The following WSCD2 variants were observed in gnomAD, a reference collection of about 807,000 sequenced individuals.
The protein encoded by WSCD2 is sialate:O-sulfotransferase 2.
In WSCD2, 28 loss-of-function variants were observed where a neutral mutation model predicts 55.7. The observed-to-expected ratio is 0.50, with a 90% confidence interval of 0.37 to 0.69. The LOEUF is 0.69. Ranked by LOEUF, WSCD2 falls within the 30% of genes least tolerant of loss-of-function variation. The pLI, the probability that WSCD2 is intolerant of heterozygous loss-of-function variation, is 0.00. For missense variants in WSCD2, 616 were observed against 762.1 expected (o/e 0.81, Z 2.26); for synonymous variants, 301 against 301.9 (o/e 1.00, Z 0.03).
chr12:108,139,924 G>C (rs967445397), intron 1 of WSCD2, among the ~76,000 whole-genome samples: 1 of 152,144 alleles, frequency 6.6e-6, no homozygotes, highest in Non-Finnish European at 1.5e-5. Context: ...GGGTTAGAGA[G>C]ACCATCAGCT....
At chr12:108,138,468 C>T (rs554411554) in intron 1 of WSCD2, among the ~76,000 whole-genome samples, 1 of 152,314 alleles carries the variant, frequency 6.6e-6, no homozygotes, top group South Asian at 2.1e-4. Context: ...GTTGCATGAG[C>T]TTATGGTGCC....
chr12:108,230,480 A>C (rs541396272), intron 6 of WSCD2, among the ~76,000 whole-genome samples: 3 of 152,302 alleles, frequency 2.0e-5, no homozygotes, highest in Admixed American at 6.5e-5. Flanking sequence ...TCATTCTCCT[A>C]AACAACCTCA....
intron 5 of WSCD2, among the ~76,000 whole-genome samples, chr12:108,226,469 G>A (rs78041719): frequency 1.3e-5 from 2 of 151,958 alleles, no homozygotes; most frequent in Non-Finnish European, 2.9e-5. Context: ...GTGGTGTATT[G>A]CATGACCACG....
chr12:108,139,298 G>A (rs1876538222), intron 1 of WSCD2, among the ~76,000 whole-genome samples: 1 of 152,184 alleles, frequency 6.6e-6, no homozygotes, highest in Non-Finnish European at 1.5e-5. Context: ...AGAATTTATG[G>A]CTGAATGACT....
At chr12:108,216,899 T>G (rs4964661) in intron 4 of WSCD2, among the ~76,000 whole-genome samples, 1 of 152,100 alleles carries the variant, frequency 6.6e-6, no homozygotes, top group South Asian at 2.1e-4. Flanking sequence ...ATGGTCACTA[T>G]CAGCCAATAA....
chr12:108,146,624 G>A (rs998622854), intron 1 of WSCD2, among the ~76,000 whole-genome samples: 6 of 152,232 alleles, frequency 3.9e-5, no homozygotes, highest in African/African-American at 1.4e-4. Context: ...GCTGGGCAGG[G>A]ATTTGAATCA....
intron 1 of WSCD2, among the ~76,000 whole-genome samples, chr12:108,157,038 A>G (rs1487052279): frequency 6.6e-6 from 1 of 152,126 alleles, no homozygotes; most frequent in Non-Finnish European, 1.5e-5. Context: ...ACCCCACCCC[A>G]TAAGCTCACC....
At chr12:108,164,741 G>A (rs73199522) in intron 1 of WSCD2, among the ~76,000 whole-genome samples, 3,187 of 151,998 alleles carry the variant, frequency 0.021, 27 homozygotes, top group Non-Finnish European at 0.025. Flanking sequence ...TTCCTTGCCC[G>A]CAACAGCTTT....
chr12:108,239,380 G>T (rs760413275), intron 7 of WSCD2, among the ~76,000 whole-genome samples: 1 of 152,166 alleles, frequency 6.6e-6, no homozygotes, highest in Non-Finnish European at 1.5e-5. Context: ...CAGTGATTTT[G>T]GTTGAGCTGA....
At chr12:108,138,806 C>T (rs1181091971) in intron 1 of WSCD2, among the ~76,000 whole-genome samples, 1 of 152,204 alleles carries the variant, frequency 6.6e-6, no homozygotes, top group African/African-American at 2.4e-5. Flanking sequence ...ATTTGTGCAT[C>T]CATTCATTTA....
chr12:108,201,519 T>TGGGGGGGGG (rs34937873), intron 2 of WSCD2, among the ~76,000 whole-genome samples: 1 of 128,044 alleles, frequency 7.8e-6, no homozygotes, highest in Non-Finnish European at 1.6e-5. Context: ...GGGGTGTGGG[T>TGGGGGGGGG]GGGGGGCGGG....
intron 1 of WSCD2, among the ~76,000 whole-genome samples, chr12:108,166,761 T>TTTCTTTCTCTTTC (rs10680980): frequency 8.0e-5 from 10 of 124,820 alleles, no homozygotes; most frequent in African/African-American, 2.5e-4. Context: ...TCTTTCTTTC[T>TTTCTTTCTCTTTC]TTTCTTTCTT....
intron 1 of WSCD2, among the ~76,000 whole-genome samples, chr12:108,160,618 C>T (rs1878963882): frequency 6.6e-6 from 1 of 152,156 alleles, no homozygotes; most frequent in African/African-American, 2.4e-5. Flanking sequence ...GAGAAATCTG[C>T]CCCCATGATC....
At position 108,232,855 on chromosome 12, in the gene WSCD2, C is replaced by A. The variant is rs1404044638; in HGVS notation, c.1104C>A (p.Tyr368Ter). Residue 368 changes from tyrosine (Y) to a stop codon, truncating the protein, a stop_gained, in exon 7 of 9, where the codon TAC (tyrosine) becomes TAA (stop). Coordinates refer to ENST00000547525, the MANE Select transcript of WSCD2 (RefSeq NM_014653.4). LOFTEE classifies it high-confidence loss of function. The part of the protein sequence containing the change: ...RHLIELATGF[Y>*]TGSYYFDGSL... The stretch of plus-strand genomic sequence containing the variant: ...TCATTGAATTGGCCACAGGCTTCTA[C>A]ACTGGCAGCTACTACTTCGATGGCT... 6.2e-7 allele frequency: 1 copy of A among 1,613,858 alleles called. No individual in the cohort carries two copies. The highest frequency in any genetic ancestry group is 8.5e-7 in the Non-Finnish European group (1 of 1,179,902).
chr12:108,173,810 C>CTGTGTGTGTGTGTGTGTGTGTGTGTG (rs113409001), intron 1 of WSCD2, among the ~76,000 whole-genome samples: 5 of 131,234 alleles, frequency 3.8e-5, no homozygotes, highest in African/African-American at 1.2e-4. Context: ...TCCTGGCTCT[C>CTGTGTGTGTGTGTGTGTGTGTGTGTG]TGTGTGTGTG....
chr12:108,152,873 T>A (rs1356269353), intron 1 of WSCD2, among the ~76,000 whole-genome samples: 1 of 152,158 alleles, frequency 6.6e-6, no homozygotes, highest in Non-Finnish European at 1.5e-5. Context: ...GAAGCCAAGG[T>A]GGGCAGATCA....
At chr12:108,183,050 G>T (rs1882004640) in intron 1 of WSCD2, among the ~76,000 whole-genome samples, 1 of 152,106 alleles carries the variant, frequency 6.6e-6, no homozygotes, top group Admixed American at 6.5e-5. Flanking sequence ...TCTTCCATTA[G>T]GTGCAGGCCA....
In WSCD2 at chr12:108,195,516, C is replaced by A. The variant is rs999089283; in HGVS notation, c.-317C>A. The A allele has an allele frequency of 5.9e-5, 18 of 304,252 alleles. No homozygotes were observed. The highest frequency in any genetic ancestry group is 9.6e-5 in the Non-Finnish European group (16 of 166,286). 18.8% of individuals were successfully genotyped at this position (304,252 alleles called of 1,614,324 possible). A position where few individuals can be genotyped will look rare whatever the true frequency, so the allele number is the denominator to read the frequency against. On this transcript the variant is annotated 5_prime_UTR_variant, in exon 2 of 9. Coordinates refer to ENST00000547525, the MANE Select transcript of WSCD2 (RefSeq NM_014653.4). ...TGCTATTCTCACAGTTCTTTAGGAA[C>A]ACTCTGAAGTGAAGAACAATATGTA... is the stretch of plus-strand genomic sequence containing the variant.
chr12:108,248,553 C>T lies in WSCD2; in HGVS notation c.*210C>T, dbSNP rs1890248441. 1 of 1,377,430 alleles carries T rather than the reference C, an allele frequency of 7.3e-7. No homozygotes were observed. The highest frequency in any genetic ancestry group is 9.4e-7 in the Non-Finnish European group (1 of 1,066,864). 85.3% of individuals were successfully genotyped at this position (1,377,430 alleles called of 1,614,324 possible). On this transcript the variant is annotated 3_prime_UTR_variant, in exon 9 of 9. Coordinates refer to ENST00000547525, the MANE Select transcript of WSCD2 (RefSeq NM_014653.4). The surrounding 1 kb of genome is among the most constrained non-coding windows in gnomAD (Gnocchi z 4.3). ...CACTACCACTCTGCTCACATGTTCC[C>T]CCCTTGGCAATGTGGGGCATCTTGT... is the stretch of plus-strand genomic sequence containing the variant.
Sources: gnomAD v4.1 joint callset for allele counts (sites outside exome capture counted in the v4.1 genomes callset) on GRCh38, gnomAD v4.1.1 for gene constraint, Gnocchi (gnomAD v3.1) non-coding constraint, MANE v1.5 for transcripts, NCBI Gene and HGNC (gene_info 2026-07-23, HGNC 2026-07-21) for gene names.